The following ZNF804B variants were observed in gnomAD, a reference collection of about 807,000 sequenced individuals.
The protein encoded by ZNF804B is zinc finger protein 804B.
A neutral mutation model predicts 101.4 loss-of-function variants in ZNF804B; 80 were observed. That is an observed-to-expected ratio of 0.79 (90% confidence interval 0.66 to 0.95). The LOEUF is 0.95. ZNF804B is among the 40% of genes least tolerant of loss of function. The pLI, the probability that ZNF804B is intolerant of heterozygous loss-of-function variation, is 0.00. For synonymous variants in ZNF804B, 622 were observed against 558.8 expected, an observed-to-expected ratio of 1.11 and a Z score of -1.59; for missense variants, 1,673 against 1,561.9, an observed-to-expected ratio of 1.07 and a Z score of -1.20.
rs1790911556 is a variant in ZNF804B, at chr7:89,327,374, G to T, written c.280G>T (p.Ala94Ser). 3 of 1,607,660 alleles carry T rather than the reference G, an allele frequency of 1.9e-6. No homozygotes were observed. The highest frequency in any genetic ancestry group is 2.5e-6 in the Non-Finnish European group (3 of 1,177,412). ...RLKELKQREF[A>S]RNVASKSWKD... is the part of the protein sequence containing the mutation. ...GAAAGAATTAAAGCAACGGGAATTTGCTCGAAATGTAGCTTCTAAGTCATG... is the reference window on the plus strand; with the variant it reads ...GAAAGAATTAAAGCAACGGGAATTTTCTCGAAATGTAGCTTCTAAGTCATG... The change falls in exon 3 of 4, where the codon GCT becomes TCT. Residue 94 changes from alanine (A) to serine (S), a missense_variant. By Grantham distance (99) the Ala-to-Ser change is moderately conservative (BLOSUM62 1). Coordinates refer to ENST00000333190, the MANE Select transcript of ZNF804B (RefSeq NM_181646.5).
chr7:89,154,667 T>G (rs974121169), intron 1 of ZNF804B, among the ~76,000 whole-genome samples: 1 of 151,938 alleles, frequency 6.6e-6, no homozygotes, highest in African/African-American at 2.4e-5. Context: ...ATCAAAGCAA[T>G]TGACCTCATG....
At chr7:88,921,519 G>A (rs1792718810) in intron 1 of ZNF804B, among the ~76,000 whole-genome samples, 1 of 151,990 alleles carries the variant, frequency 6.6e-6, no homozygotes, top group Admixed American at 6.6e-5. Context: ...ACATTTATAG[G>A]GAACCATATT....
chr7:88,970,579 G>T (rs929679248), intron 1 of ZNF804B, among the ~76,000 whole-genome samples: 1 of 151,046 alleles, frequency 6.6e-6, no homozygotes, highest in Non-Finnish European at 1.5e-5. Flanking sequence ...TACCTATGTC[G>T]TTAAGAAAAT....
chr7:88,956,013 A>G (rs1793299986), intron 1 of ZNF804B, among the ~76,000 whole-genome samples: 1 of 151,742 alleles, frequency 6.6e-6, no homozygotes, highest in African/African-American at 2.4e-5. Context: ...CATCAGGAAA[A>G]TGCAAATAAA....
At chr7:89,222,842 G>A (rs1159077430) in intron 2 of ZNF804B, among the ~76,000 whole-genome samples, 1 of 151,720 alleles carries the variant, frequency 6.6e-6, no homozygotes, top group Non-Finnish European at 1.5e-5. Context: ...GAGAATTTTT[G>A]TATACGCTTC....
rs193259789 is a variant in ZNF804B, at chr7:88,776,338, A to T, written c.108+16254A>T. 5.4e-4 allele frequency among the ~76,000 whole-genome samples: 83 copies of T among 152,298 alleles called. 2 individuals carry two copies. Among genetic ancestry groups the T allele is most frequent in the Non-Finnish European group, 2.2e-4 (15 of 68,022 alleles). The stretch of plus-strand genomic sequence containing the variant: ...AATTGTTGCTCTTCTGGATGGCCCT[A>T]TCAGATCACATTATACTGTAGTTGG... On this transcript the variant is annotated intron_variant, in intron 1 of 3. Coordinates refer to ENST00000333190, the MANE Select transcript of ZNF804B (RefSeq NM_181646.5).
chr7:89,116,767 A>C (rs766850318), intron 1 of ZNF804B, among the ~76,000 whole-genome samples: 5 of 152,244 alleles, frequency 3.3e-5, no homozygotes, highest in African/African-American at 1.2e-4. Flanking sequence ...TTATTGAGAG[A>C]TATTTTTTAC....
intron 1 of ZNF804B, among the ~76,000 whole-genome samples, chr7:89,101,954 A>G (rs537382829): frequency 1.5e-3 from 225 of 152,094 alleles, no homozygotes; most frequent in African/African-American, 5.3e-3. Context: ...AAGTGAGAAC[A>G]TGCAATATTT....
chr7:88,963,708 A>G (rs1250561719), intron 1 of ZNF804B, among the ~76,000 whole-genome samples: 2 of 151,390 alleles, frequency 1.3e-5, no homozygotes, highest in East Asian at 2.0e-4. Context: ...TTTTTTTTAC[A>G]TCATAGAATC....
At chr7:89,259,438 T>C (rs1789679865) in intron 2 of ZNF804B, among the ~76,000 whole-genome samples, 1 of 152,220 alleles carries the variant, frequency 6.6e-6, no homozygotes. Context: ...AGCAGTAATT[T>C]ATTGTTTCAG....
intron 1 of ZNF804B, among the ~76,000 whole-genome samples, chr7:89,125,186 G>GT (rs1209354320): frequency 1.3e-5 from 2 of 152,030 alleles, no homozygotes; most frequent in East Asian, 3.9e-4. Flanking sequence ...TGTCACAGCT[G>GT]TAAGTAGCGC....
intron 1 of ZNF804B, among the ~76,000 whole-genome samples, chr7:88,801,476 C>T (rs1239246118): frequency 2.0e-5 from 3 of 152,078 alleles, no homozygotes; most frequent in Admixed American, 6.6e-5. Context: ...ATGGGAAATA[C>T]TAGAGGCACC....
chr7:88,818,409 T>C (rs1790919218), intron 1 of ZNF804B, among the ~76,000 whole-genome samples: 1 of 152,172 alleles, frequency 6.6e-6, no homozygotes, highest in Admixed American at 6.5e-5. Flanking sequence ...TCCATTTTTT[T>C]CTTAGAAAAA....
intron 1 of ZNF804B, among the ~76,000 whole-genome samples, chr7:89,068,865 C>T (rs1052687783): frequency 3.3e-5 from 5 of 152,156 alleles, no homozygotes; most frequent in Non-Finnish European, 5.9e-5. Context: ...TAGAAGACTA[C>T]AGATGGGTCT....
intron 1 of ZNF804B, among the ~76,000 whole-genome samples, chr7:88,921,327 G>A (rs1792715797): frequency 6.6e-6 from 1 of 152,058 alleles, no homozygotes; most frequent in Non-Finnish European, 1.5e-5. Flanking sequence ...AGACACAGGT[G>A]AATAGGAGGG....
chr7:88,918,401 G>A (rs772397511), intron 1 of ZNF804B, among the ~76,000 whole-genome samples: 2 of 152,204 alleles, frequency 1.3e-5, no homozygotes, highest in South Asian at 2.1e-4. Context: ...AGCATTGCCG[G>A]CTGGTTCAAG....
chr7:88,948,173 T>A (rs1793165767), intron 1 of ZNF804B, among the ~76,000 whole-genome samples: 1 of 151,776 alleles, frequency 6.6e-6, no homozygotes, highest in Non-Finnish European at 1.5e-5. Flanking sequence ...AGGATGGGAT[T>A]TTAAGACCCT....
At chr7:89,203,106 G>T (rs1172578141) in intron 1 of ZNF804B, among the ~76,000 whole-genome samples, 1 of 152,052 alleles carries the variant, frequency 6.6e-6, no homozygotes, top group African/African-American at 2.4e-5. Context: ...GTTGACACCA[G>T]TGGTAACAGT....
intron 1 of ZNF804B, among the ~76,000 whole-genome samples, chr7:88,959,313 G>A (rs1239450980): frequency 1.3e-5 from 2 of 151,338 alleles, no homozygotes; most frequent in Non-Finnish European, 3.0e-5. Flanking sequence ...TTACACATAA[G>A]CTTAAGTATT....
Sources: allele counts gnomAD v4.1 joint callset (sites outside exome capture counted in the v4.1 genomes callset), GRCh38; gene constraint gnomAD v4.1.1; transcripts MANE v1.5; gene names NCBI Gene and HGNC (gene_info 2026-07-23, HGNC 2026-07-21).